NKTR: variants seen among roughly 807,000 people sequenced by gnomAD.
The protein encoded by NKTR is natural killer cell triggering receptor, also known as NK-tumor recognition protein.
In NKTR, 67 loss-of-function variants were observed where a neutral mutation model predicts 156.3. The ratio of observed to expected loss-of-function variants is 0.43; its 90% CI spans 0.35 to 0.53. The LOEUF is 0.53. Ranked by LOEUF, NKTR falls within the 20% of genes least tolerant of loss-of-function variation. The pLI is 0.01. For missense variants in NKTR, 1,604 were observed against 1,730.9 expected, an observed-to-expected ratio of 0.93 and a Z score of 1.30; for synonymous variants, 640 against 596.6, an observed-to-expected ratio of 1.07 and a Z score of -1.06.
intron 2 of NKTR, among the ~76,000 whole-genome samples, chr3:42,616,546 AC>A (rs1707384560): frequency 6.6e-6 from 1 of 152,226 alleles, no homozygotes; most frequent in South Asian, 2.1e-4. Flanking sequence ...CTGAGTTTTA[AC>A]ATTTAATATG....
intron 2 of NKTR, among the ~76,000 whole-genome samples, chr3:42,617,173 C>T (rs1339058003): frequency 6.6e-6 from 1 of 152,068 alleles, no homozygotes; most frequent in Non-Finnish European, 1.5e-5. Flanking sequence ...ACAATACTGG[C>T]CAGAATTACT....
rs761773531 is a variant in NKTR at position 42,637,626 on chromosome 3, C to T, written c.1922C>T (p.Thr641Ile). The part of the protein sequence containing the change: ...ERIQEMKAKT[T>I]HLLPIQSTYS... ...ATTCAGGAAATGAAAGCTAAAACAA[C>T]CCATTTGCTACCCATCCAAAGCACT... The change falls in exon 13 of 17, where the codon ACC (threonine) becomes ATC (isoleucine). Residue 641 changes from threonine (T) to isoleucine (I), a missense_variant. Thr to Ile is a moderately conservative substitution (Grantham distance 89). Transcript: ENST00000232978. 1 of 1,610,742 alleles carries T rather than the reference C, an allele frequency of 6.2e-7. No individual in the cohort carries two copies. The highest frequency in any genetic ancestry group is 8.5e-7 in the Non-Finnish European group (1 of 1,179,138).
Position 42,619,132 on chromosome 3 carries a change from A to G in NKTR, c.241+5A>G. On this transcript the variant is annotated splice_donor_5th_base_variant and intron_variant, in intron 4 of 16. Coordinates refer to ENST00000232978, the MANE Select transcript of NKTR (RefSeq NM_005385.4). ...AGGGTGGGGACTTCAGTGAAGGTAGAGCTAAAAGTTGTGTTCCTAATAACT... is the reference window on the plus strand; with the variant it reads ...AGGGTGGGGACTTCAGTGAAGGTAGGGCTAAAAGTTGTGTTCCTAATAACT... 1 of 1,599,376 alleles carries G rather than the reference A, an allele frequency of 6.3e-7. No homozygotes were observed. The highest frequency in any genetic ancestry group is 2.2e-5 in the East Asian group (1 of 44,696).
chr3:42,631,063 T>G, intron 7 of NKTR, 108 bp from the exon 8 acceptor site: 8 of 1,472,542 alleles, frequency 5.4e-6, no homozygotes, highest in Non-Finnish European at 7.2e-6. Flanking sequence ...AACAGTTTGG[T>G]TTTATTTTCA....
intron 5 of NKTR, 110 bp downstream of exon 5, chr3:42,619,818 A>G: frequency 6.6e-7 from 1 of 1,522,514 alleles, no homozygotes; most frequent in Non-Finnish European, 8.8e-7. Flanking sequence ...TTTGCATGAA[A>G]CTAATGCTGC....
At chr3:42,630,886 A>C (rs757339374) in intron 7 of NKTR, 27 of 1,364,412 alleles carry the variant, frequency 2.0e-5, no homozygotes, top group Non-Finnish European at 2.3e-5. Context: ...CCTGTAAGGA[A>C]GGTTCCCAAG....
chr3:42,627,027 A>G, intron 6 of NKTR: 1 of 296,088 alleles, frequency 3.4e-6, no homozygotes, highest in Non-Finnish European at 5.0e-6. Context: ...CTCTACGTAA[A>G]TATCCCATAT....
Position 42,621,271 on chromosome 3 carries a change from A to G in NKTR, c.287-158A>G, listed in dbSNP as rs978593720. ...CTTTTGGCCTTTTTATGCTTTTGTT[A>G]TTTGATTAGCTTAAATTTTTCTTTT... On this transcript the variant is annotated intron_variant, in intron 5 of 16. Transcript: ENST00000232978. The G allele has an allele frequency of 2.3e-6, 3 of 1,320,480 alleles. No homozygotes were observed. The African/African-American group carries it at 4.6e-5, about 20-fold the overall frequency. 81.8% of individuals were successfully genotyped at this position (1,320,480 alleles called of 1,614,324 possible). A position where few individuals can be genotyped will look rare whatever the true frequency, so the allele number is the denominator to read the frequency against.
chr3:42,625,165 A>T (rs1708258000), intron 6 of NKTR, among the ~76,000 whole-genome samples: 1 of 152,162 alleles, frequency 6.6e-6, no homozygotes, highest in Non-Finnish European at 1.5e-5. Flanking sequence ...CATTAGTCTG[A>T]AAAATGTCTT....
At chr3:42,643,498 A>T (rs1710084858) in intron 15 of NKTR, 103 bp downstream of exon 15, 1 of 934,120 alleles carries the variant, frequency 1.1e-6, no homozygotes, top group East Asian at 2.4e-5. Context: ...CTAAATGCAT[A>T]TATTTGTCTC....
At position 42,626,234 on chromosome 3, in the gene NKTR, TATTC is replaced by T. The variant is rs200780513; in HGVS notation, c.375-4309_375-4306del. ...TCAAACATTATGTTCTTTTTTGACT[TATTC>T]ATGTTGTCAATGCCTTTATGATAAT... On this transcript the variant is annotated intron_variant, in intron 6 of 16. Transcript: ENST00000232978. Among the ~76,000 whole-genome samples, 1,171 of 152,206 alleles carry T rather than the reference TATTC, an allele frequency of 7.7e-3. 21 individuals carry two copies. Among genetic ancestry groups the T allele is most frequent in the African/African-American group, 0.027 (1,118 of 41,536 alleles).
At position 42,639,557 on chromosome 3, in the gene NKTR, GCA is replaced by G; in HGVS notation, c.3855_3856del (p.Arg1286LeufsTer4). Reference sequence around the variant, plus strand: ...TCTCTTTGATGAAGTAAGAAAGACAGCACGCTTAAACCGTAGACCAAGAAATC... The same window carrying G: ...TCTCTTTGATGAAGTAAGAAAGACAGCGCTTAAACCGTAGACCAAGAAATC... ...GSLFDEVRKT[A>X]RLNRRPRNQE... On this transcript the variant is annotated frameshift_variant, in exon 13 of 17. Coordinates refer to ENST00000232978, the MANE Select transcript of NKTR (RefSeq NM_005385.4). LOFTEE classifies it high-confidence loss of function. The G allele has an allele frequency of 1.2e-6, 2 of 1,614,208 alleles. No homozygotes were observed. Among genetic ancestry groups the G allele is most frequent in the Non-Finnish European group, 1.7e-6 (2 of 1,180,022 alleles).
At chr3:42,635,398 G>T in intron 12 of NKTR, 32 bp downstream of exon 12, 1 of 1,539,816 alleles carries the variant, frequency 6.5e-7, no homozygotes, top group Non-Finnish European at 8.8e-7. Context: ...ACAATCCTGT[G>T]TCTGTTATAT....
At chr3:42,604,659 C>CTTTTTTTTTTTTTTTTTTTTTTTTTTTT (rs71072726) in intron 2 of NKTR, among the ~76,000 whole-genome samples, 1 of 45,294 alleles carries the variant, frequency 2.2e-5, no homozygotes, top group African/African-American at 9.8e-5. Flanking sequence ...TATTTCTCTC[C>CTTTTTTTTTTTTTTTTTTTTTTTTTTTT]TTTTTTTTTT....
Position 42,643,984 on chromosome 3 carries a change from A to C in NKTR, c.4282A>C (p.Ser1428Arg). Residue 1428 changes from serine (S) to arginine (R), a missense_variant, in exon 16 of 17, where the codon AGT becomes CGT. Ser to Arg is a moderately radical substitution (Grantham distance 110). This residue lies in a region of NKTR where 193 missense variants were observed against 220.2 expected (regional missense o/e 0.88). Coordinates refer to ENST00000232978, the MANE Select transcript of NKTR (RefSeq NM_005385.4). The stretch of plus-strand genomic sequence containing the variant: ...AAGTGACAGTTACCACCGAGGCAGA[A>C]GTTATAATCGGCGGTCCAGGTGGGT... The part of the protein sequence containing the change: ...QRSDSYHRGR[S>R]YNRRSRSCRS... 6.2e-7 allele frequency: 1 copy of C among 1,613,856 alleles called. No individual in the cohort carries two copies. The highest frequency in any genetic ancestry group is 8.5e-7 in the Non-Finnish European group (1 of 1,179,796).
intron 3 of NKTR, among the ~76,000 whole-genome samples, chr3:42,618,329 G>A (rs969267109): frequency 4.0e-5 from 6 of 149,388 alleles, no homozygotes. Flanking sequence ...CCAGCCTGGG[G>A]GACAAGAGCC....
At chr3:42,619,960 A>C in intron 5 of NKTR, 2 of 1,526,136 alleles carry the variant, frequency 1.3e-6, no homozygotes, top group Non-Finnish European at 1.8e-6. Context: ...GCAACTATAT[A>C]CATGAAAACT....
intron 13 of NKTR, among the ~76,000 whole-genome samples, chr3:42,640,857 T>C (rs1284286982): frequency 6.6e-6 from 1 of 152,222 alleles, no homozygotes; most frequent in Non-Finnish European, 1.5e-5. Context: ...TCATGGCCTT[T>C]TCTCTCTGAG....
chr3:42,637,771 A>G lies in NKTR; in HGVS notation c.2067A>G (p.Ser689=). The G allele has an allele frequency of 6.2e-7, 1 of 1,613,612 alleles. No individual in the cohort carries two copies. ...ACAGTGATAGAAGTTCAGAAAGCTC[A>G]CCAAGGTCAAGGAGCAGATCTTCTA... ...SKYSDRSSES[S]PRSRSRSSRS... is the part of the protein sequence containing the mutation. Residue 689 remains serine, a synonymous_variant, in exon 13 of 17, where the codon TCA becomes TCG. Transcript: ENST00000232978.
Sources: gnomAD v4.1 joint callset for allele counts (sites outside exome capture counted in the v4.1 genomes callset) on GRCh38, gnomAD v4.1.1 for gene constraint, gnomAD v4.1.1 regional missense constraint, MANE v1.5 for transcripts, NCBI Gene and HGNC (gene_info 2026-07-23, HGNC 2026-07-21) for gene names.